The following LILRB1 variants were observed in gnomAD, a reference collection of about 807,000 sequenced individuals.
The protein encoded by LILRB1 is leukocyte immunoglobulin-like receptor subfamily B member 1.
Under a neutral mutation model 74.6 loss-of-function variants are expected in LILRB1, and 59 were observed. The observed-to-expected ratio is 0.79, with a 90% CI of 0.64 to 0.98. The LOEUF (loss-of-function observed/expected upper bound fraction) is 0.98, where lower values mean the gene tolerates loss of function less well. Among genes scored for constraint, LILRB1 ranks in the 50% least tolerant of loss-of-function variants. The probability of loss-of-function intolerance (pLI) is 0.00; values close to 1 mark genes in which losing one functional copy is unlikely to be tolerated. For missense variants in LILRB1, 804 were observed against 822.6 expected (o/e 0.98, Z 0.28); for synonymous variants, 328 against 333.9 (o/e 0.98, Z 0.19).
chr19:54,617,589 G>T (rs1045287751), intron 1 of LILRB1, among the ~76,000 whole-genome samples: 4 of 127,384 alleles, frequency 3.1e-5, no homozygotes, highest in Non-Finnish European at 5.2e-5. Context: ...GTGTGTGTGT[G>T]GTGTGTGTGT....
intron 10 of LILRB1, 123 bp from the exon 11 acceptor site, chr19:54,634,981 A>G (rs1436429329): frequency 1.2e-5 from 17 of 1,448,232 alleles, no homozygotes; most frequent in Admixed American, 4.5e-5. Flanking sequence ...TGTCCATCCT[A>G]TGAGGCATTT....
chr19:54,631,867 C>G, intron 4 of LILRB1, 68 bp from the exon 5 acceptor site: 1 of 1,605,670 alleles, frequency 6.2e-7, no homozygotes, highest in Non-Finnish European at 8.5e-7. Flanking sequence ...CTCCCTCTCA[C>G]AGCCCAGCCC....
intron 1 of LILRB1, among the ~76,000 whole-genome samples, chr19:54,621,747 A>G (rs539854129): frequency 3.3e-5 from 5 of 152,232 alleles, no homozygotes; most frequent in South Asian, 4.1e-4. Context: ...GGTCTTTACC[A>G]TAAGTTCTTT....
chr19:54,626,775 T>C (rs2063601763), upstream of LILRB1, among the ~76,000 whole-genome samples: 1 of 152,232 alleles, frequency 6.6e-6, no homozygotes, highest in Non-Finnish European at 1.5e-5. Context: ...CCATACAGTT[T>C]CTCCCCGGGC....
chr19:54,634,530 C>T (rs147745212), intron 9 of LILRB1, 111 bp from the exon 10 acceptor site: 30 of 1,520,778 alleles, frequency 2.0e-5, no homozygotes, highest in Middle Eastern at 1.8e-4. Context: ...CTGTGCTGCA[C>T]GACTGTTGTG....
At chr19:54,635,888 C>A (rs567527858) in intron 13 of LILRB1, 2 of 648,212 alleles carry the variant, frequency 3.1e-6, no homozygotes, top group East Asian at 3.1e-5. Flanking sequence ...AATAAATGAA[C>A]CACCCCGGTC....
intron 1 of LILRB1, among the ~76,000 whole-genome samples, chr19:54,622,240 T>A (rs1204222957): frequency 6.6e-6 from 1 of 152,234 alleles, no homozygotes; most frequent in African/African-American, 2.4e-5. Context: ...ACATTTGTAA[T>A]TTAATAGGAA....
upstream of LILRB1, among the ~76,000 whole-genome samples, chr19:54,626,002 C>T (rs1228900079): frequency 6.6e-6 from 1 of 152,222 alleles, no homozygotes; most frequent in Admixed American, 6.5e-5. Flanking sequence ...TCTCCTGGCT[C>T]CCACCTTTTC....
intron 10 of LILRB1, 23 bp downstream of exon 10, chr19:54,634,786 C>T (rs1054694794): frequency 1.2e-6 from 2 of 1,611,858 alleles, no homozygotes; most frequent in Middle Eastern, 1.7e-4. Context: ...TGGGGGGACC[C>T]TGAGGGCTGA....
chr19:54,631,701 A>T lies in LILRB1; in HGVS notation c.272A>T (p.Glu91Val). ...TTCCCCATCCCATCCATCACCTGGGAACACACAGGGCGGTATCGCTGTTAC... is the reference window on the plus strand; with the variant it reads ...TTCCCCATCCCATCCATCACCTGGGTACACACAGGGCGGTATCGCTGTTAC... ...GQFPIPSITW[E>V]HTGRYRCYYG... is the part of the protein sequence containing the mutation. The change falls in exon 4 of 15, where the codon GAA becomes GTA. Residue 91 changes from glutamate (E) to valine (V), a missense_variant. Glu to Val is a moderately radical substitution (Grantham distance 121). Coordinates refer to ENST00000324602, the MANE Select transcript of LILRB1 (RefSeq NM_001081637.3). 1.2e-6 allele frequency: 2 copies of T among 1,614,280 alleles called. No homozygotes were observed. Among genetic ancestry groups the T allele is most frequent in the East Asian group, 4.5e-5 (2 of 44,888 alleles).
rs568702923 is a variant in LILRB1 at position 54,636,460 on chromosome 19, T to C, written c.1654-34T>C. ...AATTGACTCCAGGGGGTCAGGAGGA[T>C]TCAAGGACACCCCCCACCACTGTCT... On this transcript the variant is annotated intron_variant, in intron 13 of 14. Coordinates refer to ENST00000324602, the MANE Select transcript of LILRB1 (RefSeq NM_001081637.3). 5.1e-4 allele frequency: 817 copies of C among 1,594,194 alleles called. 3 individuals carry two copies. The highest frequency in any genetic ancestry group is 2.5e-3 in the South Asian group (228 of 89,942).
chr19:54,632,432 G>C, intron 5 of LILRB1, 32 bp from the exon 6 acceptor site: 1 of 1,572,262 alleles, frequency 6.4e-7, no homozygotes, highest in African/African-American at 1.4e-5. Flanking sequence ...CCTGAGGGTC[G>C]GCTCCTGGAA....
rs554111310 is a variant in LILRB1, at chr19:54,636,892, G to A, written c.*14G>A. Reference sequence around the variant, plus strand: ...GCCATCCACTAGCCCAGGGGGGGACGCAGACCCCACACTCCATGGAGTCTG... The same window carrying A: ...GCCATCCACTAGCCCAGGGGGGGACACAGACCCCACACTCCATGGAGTCTG... On this transcript the variant is annotated 3_prime_UTR_variant, in exon 15 of 15. Transcript: ENST00000324602. 45 of 1,613,336 alleles carry A rather than the reference G, an allele frequency of 2.8e-5. No homozygotes were observed. The highest frequency in any genetic ancestry group is 3.3e-4 in the Middle Eastern group (2 of 6,060).
intron 13 of LILRB1, 194 bp from the exon 14 acceptor site, chr19:54,636,300 A>G (rs1407470273): frequency 8.5e-6 from 10 of 1,177,226 alleles, no homozygotes; most frequent in African/African-American, 3.1e-5. Context: ...CTGCAGCCAA[A>G]TGGGCAACGT....
intron 7 of LILRB1, 135 bp downstream of exon 7, chr19:54,633,453 A>G: frequency 1.5e-6 from 2 of 1,335,026 alleles, no homozygotes; most frequent in Non-Finnish European, 2.0e-6. Flanking sequence ...CCTCAGAGGG[A>G]AGGAGGAGAA....
upstream of LILRB1, among the ~76,000 whole-genome samples, chr19:54,627,509 A>G (rs2063627704): frequency 6.6e-6 from 1 of 152,188 alleles, no homozygotes; most frequent in Admixed American, 6.5e-5. Flanking sequence ...AAACCCTTCC[A>G]TGTCCTTCAC....
At chr19:54,623,680 T>C (rs2063509479) in intron 1 of LILRB1, among the ~76,000 whole-genome samples, 1 of 152,224 alleles carries the variant, frequency 6.6e-6, no homozygotes, top group Admixed American at 6.5e-5. Context: ...AGAGTTTCCA[T>C]TGTTTTCAGC....
At position 54,636,498 on chromosome 19, in the gene LILRB1, G is replaced by A; in HGVS notation, c.1658G>A (p.Ser553Asn). ...EDGVEMDTRQ[S>N]PHDEDPQAVT... Reference sequence around the variant, plus strand: ...CCCACCACTGTCTCTCTCCAGCAGAGCCCACACGATGAAGACCCCCAGGCA... The same window carrying A: ...CCCACCACTGTCTCTCTCCAGCAGAACCCACACGATGAAGACCCCCAGGCA... Residue 553 changes from serine (S) to asparagine (N), a missense_variant, in exon 14 of 15, where the codon AGC becomes AAC. By Grantham distance (46) the Ser-to-Asn change is conservative. Coordinates refer to ENST00000324602, the MANE Select transcript of LILRB1 (RefSeq NM_001081637.3). 2 of 1,611,480 alleles carry A rather than the reference G, an allele frequency of 1.2e-6. No homozygotes were observed. The highest frequency in any genetic ancestry group is 2.2e-5 in the East Asian group (1 of 44,858).
At chr19:54,616,438 C>T (rs1277941224), upstream of LILRB1, among the ~76,000 whole-genome samples, 1 of 152,126 alleles carries the variant, frequency 6.6e-6, no homozygotes, top group Admixed American at 6.5e-5. Flanking sequence ...TGCCTGAACA[C>T]GTGAGGCCTC....
Sources: gnomAD v4.1 joint callset for allele counts (sites outside exome capture counted in the v4.1 genomes callset) on GRCh38, gnomAD v4.1.1 for gene constraint, MANE v1.5 for transcripts, NCBI Gene and HGNC (gene_info 2026-07-23, HGNC 2026-07-21) for gene names.